The following VANGL1 variants were observed in gnomAD, a reference collection of about 807,000 sequenced individuals.
VANGL1 encodes the protein vang-like protein 1.
VANGL1 carries 18 observed loss-of-function variants against 48.4 expected under a neutral mutation model. The ratio of observed to expected loss-of-function variants is 0.37; its 90% confidence interval spans 0.26 to 0.55. The LOEUF (loss-of-function observed/expected upper bound fraction) is 0.55, where lower values mean the gene tolerates loss of function less well. VANGL1 is among the 20% of genes least tolerant of loss of function. The probability of loss-of-function intolerance (pLI) is 0.81; values close to 1 mark genes in which losing one functional copy is unlikely to be tolerated. For synonymous variants in VANGL1, 257 were observed against 261.8 expected, an observed-to-expected ratio of 0.98 and a Z score of 0.18; for missense variants, 667 against 675.8, an observed-to-expected ratio of 0.99 and a Z score of 0.14.
chr1:115,663,424 G>T (rs1652642747), intron 3 of VANGL1, among the ~76,000 whole-genome samples: 1 of 152,218 alleles, frequency 6.6e-6, no homozygotes, highest in Non-Finnish European at 1.5e-5. Context: ...CAAACAGACA[G>T]AAAGATCACA....
rs141525464 is a variant in VANGL1, at chr1:115,663,798, C to T, written c.342C>T (p.Thr114=). ...GLDCKRYLGL[T]VASFLGLLVF... ...ATTGCAAACGCTACCTGGGCCTCAC[C>T]GTCGCCTCTTTTCTTGGACTTCTAG... is the stretch of plus-strand genomic sequence containing the variant. The change falls in exon 4 of 8, where the codon ACC becomes ACT. Residue 114 remains threonine, a synonymous_variant. Transcript: ENST00000355485. The T allele has an allele frequency of 5.5e-5, 88 of 1,614,182 alleles. No homozygotes were observed. Among genetic ancestry groups the T allele is most frequent in the African/African-American group, 8.0e-5 (6 of 75,044 alleles).
intron 4 of VANGL1, among the ~76,000 whole-genome samples, chr1:115,681,073 C>T (rs146164087): frequency 6.8e-4 from 103 of 152,258 alleles, no homozygotes; most frequent in African/African-American, 2.2e-3. Flanking sequence ...AGAGTTCCAG[C>T]TCTCCTGTTT....
At chr1:115,657,994 A>T (rs983923256) in intron 2 of VANGL1, among the ~76,000 whole-genome samples, 1 of 152,208 alleles carries the variant, frequency 6.6e-6, no homozygotes, top group Non-Finnish European at 1.5e-5. Flanking sequence ...CCAAGCCATG[A>T]GGGGTCTGTC....
chr1:115,661,238 C>G, intron 3 of VANGL1, among the ~76,000 whole-genome samples: 1 of 152,096 alleles, frequency 6.6e-6, no homozygotes, highest in Non-Finnish European at 1.5e-5. Context: ...GCTTTTTCTT[C>G]TAAGAACCTG....
intron 1 of VANGL1, among the ~76,000 whole-genome samples, chr1:115,646,852 G>A (rs1651961708): frequency 6.6e-6 from 1 of 152,320 alleles, no homozygotes; most frequent in African/African-American, 2.4e-5. Context: ...GCCTGACTGA[G>A]ATTGAAGGAT....
At chr1:115,649,408 G>A (rs781309387) in intron 1 of VANGL1, among the ~76,000 whole-genome samples, 14 of 152,278 alleles carry the variant, frequency 9.2e-5, no homozygotes, top group East Asian at 1.9e-4. Context: ...AGTAGGCAGC[G>A]GACTGAGATG....
intron 2 of VANGL1, among the ~76,000 whole-genome samples, chr1:115,657,488 A>G (rs1300802902): frequency 6.6e-6 from 1 of 152,186 alleles, no homozygotes; most frequent in African/African-American, 2.4e-5. Flanking sequence ...TAGGATTATT[A>G]TTAGGATTAA....
intron 4 of VANGL1, among the ~76,000 whole-genome samples, chr1:115,669,809 T>C (rs1652910250): frequency 6.6e-6 from 1 of 152,214 alleles, no homozygotes; most frequent in Non-Finnish European, 1.5e-5. Context: ...TAATCAAAGA[T>C]GTGGTAACGA....
At position 115,693,185 on chromosome 1, in the gene VANGL1, T is replaced by C. The variant is rs960387122; in HGVS notation, c.*1806T>C. ...TTCTGTTTATAAAAAACACATACCA[T>C]GGAACCATGGTGCTTTTGTTCTTAG... On this transcript the variant is annotated 3_prime_UTR_variant, in exon 8 of 8. Coordinates refer to ENST00000355485, the MANE Select transcript of VANGL1 (RefSeq NM_138959.3). 2.0e-5 allele frequency: 3 copies of C among 152,670 alleles called. No homozygotes were observed. The highest frequency in any genetic ancestry group is 2.1e-4 in the South Asian group (1 of 4,834). The allele number at this position is 152,670 out of a possible 1,614,324, so 9.5% of individuals were successfully genotyped here. A position where few individuals can be genotyped will look rare whatever the true frequency, so the allele number is the denominator to read the frequency against.
At chr1:115,677,965 TG>T (rs1305286830) in intron 4 of VANGL1, among the ~76,000 whole-genome samples, 3 of 152,228 alleles carry the variant, frequency 2.0e-5, no homozygotes, top group African/African-American at 7.2e-5. Flanking sequence ...GGGCCCTTTT[TG>T]CCTCTGAAAT....
At chr1:115,686,066 A>T (rs1035491053) in intron 7 of VANGL1, among the ~76,000 whole-genome samples, 2 of 152,170 alleles carry the variant, frequency 1.3e-5, no homozygotes, top group East Asian at 3.9e-4. Flanking sequence ...TGCCAAGCTC[A>T]TCTACTCTCT....
At chr1:115,684,580 C>T (rs527330588) in intron 6 of VANGL1, among the ~76,000 whole-genome samples, 23 of 152,300 alleles carry the variant, frequency 1.5e-4, no homozygotes, top group Admixed American at 1.0e-3. Context: ...ACTGGGAGGG[C>T]TGTTCAAATA....
chr1:115,660,667 G>A (rs1336506512), intron 3 of VANGL1, among the ~76,000 whole-genome samples: 2 of 152,124 alleles, frequency 1.3e-5, no homozygotes, highest in Non-Finnish European at 2.9e-5. Flanking sequence ...CATAAACAAA[G>A]TGGTGTATGA....
In VANGL1 at chr1:115,692,804, C is replaced by G. The variant is rs1366839333; in HGVS notation, c.*1425C>G. 2 of 152,232 alleles carry G rather than the reference C, an allele frequency of 1.3e-5. No homozygotes were observed. Among genetic ancestry groups the G allele is most frequent in the African/African-American group, 4.8e-5 (2 of 41,440 alleles). The allele number at this position is 152,232 out of a possible 1,614,324, so 9.4% of individuals were successfully genotyped here. A position where few individuals can be genotyped will look rare whatever the true frequency, so the allele number is the denominator to read the frequency against. On this transcript the variant is annotated 3_prime_UTR_variant, in exon 8 of 8. Coordinates refer to ENST00000355485, the MANE Select transcript of VANGL1 (RefSeq NM_138959.3). ...CTCTTGCACTGGGCTGCCTTTGCCT[C>G]CATTTGCCTTCCTGTATCTGCAACA... is the stretch of plus-strand genomic sequence containing the variant.
chr1:115,652,824 G>C (rs1310927545), intron 2 of VANGL1, among the ~76,000 whole-genome samples: 2 of 152,230 alleles, frequency 1.3e-5, no homozygotes, highest in Non-Finnish European at 2.9e-5. Context: ...GACCTCCCAA[G>C]CTGCCAGGAG....
intron 6 of VANGL1, among the ~76,000 whole-genome samples, chr1:115,684,609 C>T (rs1445845103): frequency 6.6e-6 from 1 of 152,170 alleles, no homozygotes; most frequent in African/African-American, 2.4e-5. Flanking sequence ...AGGTTCTGGG[C>T]CCTGCTTGCA....
chr1:115,659,919 T>A (rs1652484258), intron 3 of VANGL1, 146 bp downstream of exon 3: 2 of 1,175,098 alleles, frequency 1.7e-6, no homozygotes, highest in Non-Finnish European at 2.5e-6. Context: ...CTCTTGTTGG[T>A]CTAAGGACAG....
At chr1:115,662,948 T>G (rs570705547) in intron 3 of VANGL1, among the ~76,000 whole-genome samples, 168 of 152,096 alleles carry the variant, frequency 1.1e-3, no homozygotes, top group Middle Eastern at 0.01. Flanking sequence ...CACCACGCCT[T>G]GCTAATTTTT....
intron 4 of VANGL1, among the ~76,000 whole-genome samples, chr1:115,676,212 A>G (rs1653159419): frequency 6.6e-6 from 1 of 152,242 alleles, no homozygotes; most frequent in African/African-American, 2.4e-5. Flanking sequence ...CAGGGTAGGT[A>G]GCAGGAATCT....
Sources: gnomAD v4.1 joint callset for allele counts (sites outside exome capture counted in the v4.1 genomes callset) on GRCh38, gnomAD v4.1.1 for gene constraint, MANE v1.5 for transcripts, NCBI Gene and HGNC (gene_info 2026-07-23, HGNC 2026-07-21) for gene names.